Variants in ILF2 observed in about 807,000 individuals in gnomAD.
The protein encoded by ILF2 is interleukin enhancer binding factor 2.
ILF2 carries 9 observed loss-of-function variants against 55.3 expected under a neutral mutation model. The ratio of observed to expected loss-of-function variants is 0.16; its 90% CI spans 0.10 to 0.28. The LOEUF is 0.28. Among genes scored for constraint, ILF2 ranks in the 10% least tolerant of loss-of-function variants. The probability of loss-of-function intolerance (pLI) is 1.00; values close to 1 mark genes in which losing one functional copy is unlikely to be tolerated. For synonymous variants in ILF2, 151 were observed against 161.8 expected (o/e 0.93, Z 0.50); for missense variants, 266 against 474.9 (o/e 0.56, Z 4.09).
At position 153,662,483 on chromosome 1, in the gene ILF2, T is replaced by A; in HGVS notation, c.1086A>T (p.Pro362=). ...TPSEKAYEKP[P]EKKEGEEEEE... ...CTTCTTCCTCTCCTTCCTTCTTCTC[T>A]GGTGGCTTCTCATAAGCCTTTTCTG... The change falls in exon 14 of 14, where the codon CCA becomes CCT. Residue 362 remains proline (P), a synonymous_variant. Coordinates refer to ENST00000361891, the MANE Select transcript of ILF2 (RefSeq NM_004515.4). 1 of 1,613,866 alleles carries A rather than the reference T, an allele frequency of 6.2e-7. No individual in the cohort carries two copies. The highest frequency in any genetic ancestry group is 8.5e-7 in the Non-Finnish European group (1 of 1,179,706).
chr1:153,665,922 C>T (rs1669295024), intron 6 of ILF2, among the ~76,000 whole-genome samples, 194 bp from the exon 7 acceptor site: 1 of 152,172 alleles, frequency 6.6e-6, no homozygotes, highest in South Asian at 2.1e-4. Context: ...GAACAGGACC[C>T]CTCCTGTACT....
In ILF2 at chr1:153,662,513, T is replaced by C. The variant is rs200999217; in HGVS notation, c.1056A>G (p.Thr352=). The C allele has an allele frequency of 1.2e-5, 19 of 1,614,036 alleles. No individual in the cohort carries two copies. Among genetic ancestry groups the C allele is most frequent in the Non-Finnish European group, 1.5e-5 (18 of 1,179,980 alleles). The stretch of plus-strand genomic sequence containing the variant: ...GCTTCTCATAAGCCTTTTCTGAAGG[T>C]GTTACTATCACTCCATCCCAGGTAG... ...EISTWDGVIV[T]PSEKAYEKPP... Residue 352 remains threonine, a synonymous_variant, in exon 14 of 14, where the codon ACA becomes ACG. Transcript: ENST00000361891.
intron 9 of ILF2, 25 bp from the exon 10 acceptor site, chr1:153,664,155 T>A: frequency 7.0e-7 from 1 of 1,430,538 alleles, no homozygotes; most frequent in Non-Finnish European, 9.8e-7. Context: ...GACCCAAACA[T>A]TAAAATCAAT....
chr1:153,670,327 G>T, intron 1 of ILF2, 97 bp from the exon 2 acceptor site: 1 of 1,172,652 alleles, frequency 8.5e-7, no homozygotes, highest in Non-Finnish European at 1.3e-6. Flanking sequence ...CCTCCCAACG[G>T]TAGGCAAGAG....
At chr1:153,667,416 C>T (rs1005605572) in intron 6 of ILF2, 139 bp downstream of exon 6, 3 of 699,088 alleles carry the variant, frequency 4.3e-6, no homozygotes, top group African/African-American at 1.8e-5. Context: ...GAGGTCAAGG[C>T]TGCAGTGAGC....
Position 153,662,318 on chromosome 1 carries a change from G to A in ILF2, c.*78C>T, listed in dbSNP as rs751567663. The A allele has an allele frequency of 2.3e-4, 365 of 1,575,526 alleles. No homozygotes were observed. Among genetic ancestry groups the A allele is most frequent in the Non-Finnish European group, 3.1e-4 (358 of 1,157,934 alleles). ...TCTTCCCTATCCCACGGAAATGTCT[G>A]TCACCATGTAAAGCCCAGTAGCAGG... is the stretch of plus-strand genomic sequence containing the variant. On this transcript the variant is annotated 3_prime_UTR_variant, in exon 14 of 14. Coordinates refer to ENST00000361891, the MANE Select transcript of ILF2 (RefSeq NM_004515.4).
chr1:153,664,265 T>A, intron 9 of ILF2, 131 bp downstream of exon 9: 1 of 1,028,162 alleles, frequency 9.7e-7, no homozygotes, highest in Non-Finnish European at 1.5e-6. Flanking sequence ...TTTGCTTCCT[T>A]AAGGTAAAAA....
chr1:153,670,103 A>C, intron 2 of ILF2, 68 bp downstream of exon 2: 3 of 1,524,594 alleles, frequency 2.0e-6, no homozygotes, highest in Non-Finnish European at 2.7e-6. Context: ...GTCTACTCTA[A>C]AACTCCTATT....
rs755967703 is a variant in ILF2, at chr1:153,662,765, C to T, written c.952G>A (p.Val318Ile). The change falls in exon 13 of 14, where the codon GTC becomes ATC. Residue 318 changes from valine (V) to isoleucine (I), a missense_variant. Coordinates refer to ENST00000361891, the MANE Select transcript of ILF2 (RefSeq NM_004515.4). Reference sequence around the variant, plus strand: ...AAGCCACCATGTGAGAGGATTCGGACGAGAGTCTGAGCTGTATAGCAGACC... The same window carrying T: ...AAGCCACCATGTGAGAGGATTCGGATGAGAGTCTGAGCTGTATAGCAGACC... ...DMVCYTAQTLVRILSHGGFRK... is the reference protein window; with the variant it reads ...DMVCYTAQTLIRILSHGGFRK... The T allele has an allele frequency of 5.3e-5, 85 of 1,613,990 alleles. No individual in the cohort carries two copies. Among genetic ancestry groups the T allele is most frequent in the Middle Eastern group, 1.6e-4 (1 of 6,082 alleles).
chr1:153,668,024 A>T lies in ILF2; in HGVS notation c.267T>A (p.Ile89=). Residue 89 remains isoleucine (I), a synonymous_variant, in exon 5 of 14, where the codon ATT becomes ATA. Transcript: ENST00000361891. The part of the protein sequence containing the change: ...TKINNVIDNL[I]VAPGTFEVQI... ...CCACTTCAAATGTCCCTGGAGCCAC[A>T]ATCAGATTATCAATCACATTGTTTA... The T allele has an allele frequency of 6.2e-7, 1 of 1,612,408 alleles. No homozygotes were observed. Among genetic ancestry groups the T allele is most frequent in the Non-Finnish European group, 8.5e-7 (1 of 1,179,314 alleles).
chr1:153,664,617 T>C (rs1293385456), intron 8 of ILF2, 143 bp from the exon 9 acceptor site: 2 of 675,202 alleles, frequency 3.0e-6, no homozygotes, highest in Non-Finnish European at 5.2e-6. Flanking sequence ...TTGCGTACAG[T>C]GGCGTGATCT....
At chr1:153,663,987 T>TACC in intron 10 of ILF2, 56 bp downstream of exon 10, 1 of 886,876 alleles carries the variant, frequency 1.1e-6, no homozygotes, top group Non-Finnish European at 1.8e-6. Context: ...CTACTACTAC[T>TACC]ACTACTACTA....
chr1:153,665,770 G>A (rs748735370), intron 6 of ILF2, 42 bp from the exon 7 acceptor site: 1 of 1,481,942 alleles, frequency 6.7e-7, no homozygotes, highest in Non-Finnish European at 9.3e-7. Context: ...TAATTTATTT[G>A]CCTAGACTTT....
intron 3 of ILF2, among the ~76,000 whole-genome samples, chr1:153,668,823 A>C (rs1669375253): frequency 6.6e-6 from 1 of 151,764 alleles, no homozygotes; most frequent in East Asian, 1.9e-4. Flanking sequence ...CCTTGAACAC[A>C]GGAAGCGAGG....
At position 153,665,680 on chromosome 1, in the gene ILF2, G is replaced by C; in HGVS notation, c.443C>G (p.Ala148Gly). The change falls in exon 7 of 14, where the codon GCA becomes GGA. Residue 148 changes from alanine to glycine, a missense_variant. By Grantham distance (60) the Ala-to-Gly change is moderately conservative (BLOSUM62 0). Transcript: ENST00000361891. Reference sequence around the variant, plus strand: ...ATGCAAACCTTCAGAAGGATCCTGTGCTCTTAGGCTTTCCACGACTTTGTT... The same window carrying C: ...ATGCAAACCTTCAGAAGGATCCTGTCCTCTTAGGCTTTCCACGACTTTGTT... The part of the protein sequence containing the change: ...LGNKVVESLR[A>G]QDPSEVLTML... The C allele has an allele frequency of 6.2e-7, 1 of 1,613,516 alleles. No individual in the cohort carries two copies. The highest frequency in any genetic ancestry group is 8.5e-7 in the Non-Finnish European group (1 of 1,179,654).
At position 153,667,864 on chromosome 1, in the gene ILF2, A is replaced by G. The variant is rs1287613100; in HGVS notation, c.291+136T>C. The G allele has an allele frequency of 4.3e-6, 3 of 703,930 alleles. No homozygotes were observed. The East Asian group carries it at 7.8e-5, about 18-fold the overall frequency. 43.6% of individuals were successfully genotyped at this position (703,930 alleles called of 1,614,324 possible). The stretch of plus-strand genomic sequence containing the variant: ...TCTTGTCCCCAAGATCAGTACTACA[A>G]AGAAATTCCACTGTACTTTCTCATT... On this transcript the variant is annotated intron_variant, in intron 5 of 13. Transcript: ENST00000361891.
chr1:153,665,627 TG>T (rs1209195259), intron 7 of ILF2, 35 bp downstream of exon 7: 2 of 1,533,308 alleles, frequency 1.3e-6, no homozygotes, highest in Non-Finnish European at 1.8e-6. Flanking sequence ...CTGGTTCCTA[TG>T]GCTACTAAAT....
At chr1:153,665,371 C>CA in intron 7 of ILF2, 35 bp from the exon 8 acceptor site, 1 of 1,356,662 alleles carries the variant, frequency 7.4e-7, no homozygotes, top group Non-Finnish European at 1.1e-6. Context: ...CTATAACTCA[C>CA]ATTTCCATTA....
In ILF2 at chr1:153,662,297, C is replaced by T. The variant is rs1669189777; in HGVS notation, c.*99G>A. On this transcript the variant is annotated 3_prime_UTR_variant, in exon 14 of 14. Transcript: ENST00000361891. ...AGTTTACTTTTCTTCCTGCTATCTT[C>T]CCTATCCCACGGAAATGTCTGTCAC... 2.7e-6 allele frequency: 4 copies of T among 1,471,628 alleles called. No individual in the cohort carries two copies. The highest frequency in any genetic ancestry group is 3.7e-6 in the Non-Finnish European group (4 of 1,077,438). The allele number at this position is 1,471,628 out of a possible 1,614,324, so 91.2% of individuals were successfully genotyped here.
Sources: gnomAD v4.1 joint callset for allele counts (sites outside exome capture counted in the v4.1 genomes callset) on GRCh38, gnomAD v4.1.1 for gene constraint, MANE v1.5 for transcripts, NCBI Gene and HGNC (gene_info 2026-07-23, HGNC 2026-07-21) for gene names.